Variants in RASEF observed in about 807,000 individuals in gnomAD.
RASEF encodes the protein ras and EF-hand domain-containing protein.
A neutral mutation model predicts 90.1 loss-of-function variants in RASEF; 68 were observed. That is an observed-to-expected ratio of 0.75 (90% CI 0.62 to 0.92). The LOEUF (loss-of-function observed/expected upper bound fraction) is 0.92. Among genes scored for constraint, RASEF ranks in the 40% least tolerant of loss-of-function variants. The pLI, the probability that RASEF is intolerant of heterozygous loss-of-function variation, is 0.00. For missense variants in RASEF, 949 were observed against 937.2 expected, an observed-to-expected ratio of 1.01 and a Z score of -0.16; for synonymous variants, 331 against 345.2, an observed-to-expected ratio of 0.96 and a Z score of 0.46.
intron 6 of RASEF, among the ~76,000 whole-genome samples, chr9:83,008,467 T>A (rs1829172785): frequency 6.6e-6 from 1 of 152,152 alleles, no homozygotes; most frequent in Admixed American, 6.5e-5. Context: ...CCTGCTTTGG[T>A]TACTGCCTTA....
At chr9:83,059,173 A>C (rs916863975) in intron 1 of RASEF, among the ~76,000 whole-genome samples, 4 of 152,046 alleles carry the variant, frequency 2.6e-5, no homozygotes, top group Admixed American at 6.5e-5. Flanking sequence ...AATTGCTGCA[A>C]ATGGGAGTTG....
chr9:82,983,836 TG>T (rs1352130854), intron 16 of RASEF, among the ~76,000 whole-genome samples: 15 of 152,166 alleles, frequency 9.9e-5, no homozygotes, highest in Admixed American at 7.9e-4. Context: ...GGGACTGAGA[TG>T]CCACGTGGAG....
At chr9:83,088,757 G>A in the RASEF span, among the ~76,000 whole-genome samples, 4 of 151,928 alleles carry the variant, frequency 2.6e-5, no homozygotes, top group Non-Finnish European at 4.4e-5. Context: ...CTTTTGGTTA[G>A]TGTTTGCATG....
intron 3 of RASEF, among the ~76,000 whole-genome samples, chr9:83,017,852 T>G (rs1564078777): frequency 6.6e-6 from 1 of 152,184 alleles, no homozygotes; most frequent in South Asian, 2.1e-4. Flanking sequence ...ACATCATAAC[T>G]AATTAGGGCC....
intron 16 of RASEF, among the ~76,000 whole-genome samples, chr9:82,983,107 C>CCACACACACACACA (rs10539196): frequency 3.8e-4 from 49 of 128,646 alleles, no homozygotes; most frequent in African/African-American, 1.1e-3. Flanking sequence ...GAGTACCAGG[C>CCACACACACACACA]CACACACACA....
chr9:83,183,684 A>T, the RASEF span, among the ~76,000 whole-genome samples: 1 of 152,240 alleles, frequency 6.6e-6, no homozygotes, highest in Admixed American at 6.5e-5. Flanking sequence ...GGGCATTTGT[A>T]CTACTAAGAA....
chr9:83,062,590 GAC>G lies in RASEF; in HGVS notation c.276_277del (p.Ser93Ter). 3 of 1,579,334 alleles carry G rather than the reference GAC, an allele frequency of 1.9e-6. No individual in the cohort carries two copies. The highest frequency in any genetic ancestry group is 2.6e-6 in the Non-Finnish European group (3 of 1,165,368). ...GTCGTGTGTCTCCGGCCCCGCCTCA[GAC>G]ACGGCGGGCGCGGGATCCAGAGGAC... On this transcript the variant is annotated frameshift_variant, in exon 1 of 17. Transcript: ENST00000376447. LOFTEE classifies it high-confidence loss of function.
At chr9:83,039,144 A>G (rs2118631970) in intron 1 of RASEF, among the ~76,000 whole-genome samples, 1 of 152,324 alleles carries the variant, frequency 6.6e-6, no homozygotes, top group South Asian at 2.1e-4. Flanking sequence ...CATATATGCT[A>G]TCTAGAAGCC....
chr9:83,143,004 G>A, the RASEF span, among the ~76,000 whole-genome samples: 2 of 152,176 alleles, frequency 1.3e-5, no homozygotes, highest in African/African-American at 2.4e-5. Flanking sequence ...TAGCTGGTCA[G>A]TATCTTTAAT....
At chr9:83,145,157 G>C in the RASEF span, among the ~76,000 whole-genome samples, 1 of 152,054 alleles carries the variant, frequency 6.6e-6, no homozygotes, top group Non-Finnish European at 1.5e-5. Flanking sequence ...TTATTAGTTT[G>C]AATGCAGACT....
chr9:83,087,541 A>G, the RASEF span, among the ~76,000 whole-genome samples: 1 of 151,800 alleles, frequency 6.6e-6, no homozygotes, highest in Admixed American at 6.6e-5. Context: ...TCCATTTCAT[A>G]TAGGTTATCT....
chr9:83,158,815 C>T, the RASEF span, among the ~76,000 whole-genome samples: 1 of 146,490 alleles, frequency 6.8e-6, no homozygotes, highest in Non-Finnish European at 1.5e-5. Context: ...TATATATATA[C>T]ACACACACAG....
At chr9:83,110,380 T>C in the RASEF span, among the ~76,000 whole-genome samples, 1 of 152,140 alleles carries the variant, frequency 6.6e-6, no homozygotes, top group Non-Finnish European at 1.5e-5. Flanking sequence ...AATTTATTTT[T>C]TAAAAAACCC....
upstream of RASEF, among the ~76,000 whole-genome samples, chr9:83,065,202 T>A (rs138424823): frequency 5.1e-4 from 77 of 152,366 alleles, 1 homozygote; most frequent in Middle Eastern, 6.8e-3. Context: ...TATCACTGCA[T>A]AACAACAGTA....
the RASEF span, among the ~76,000 whole-genome samples, chr9:83,165,245 C>A: frequency 6.6e-6 from 1 of 152,164 alleles, no homozygotes; most frequent in South Asian, 2.1e-4. Flanking sequence ...AAAAACAGAT[C>A]ATATTCTGGG....
the RASEF span, among the ~76,000 whole-genome samples, chr9:83,160,019 C>T: frequency 6.6e-6 from 1 of 152,210 alleles, no homozygotes; most frequent in African/African-American, 2.4e-5. Flanking sequence ...TGAGGCCTCC[C>T]CAGCCACGTG....
At chr9:83,128,085 T>G in the RASEF span, among the ~76,000 whole-genome samples, 2 of 150,620 alleles carry the variant, frequency 1.3e-5, no homozygotes, top group African/African-American at 4.9e-5. Context: ...CCACTTCTAC[T>G]CTATAACTTA....
chr9:83,134,550 A>G, the RASEF span, among the ~76,000 whole-genome samples: 3 of 152,106 alleles, frequency 2.0e-5, no homozygotes, highest in Non-Finnish European at 4.4e-5. Flanking sequence ...TTACCCACAG[A>G]TTGGAGCTCA....
chr9:83,150,783 G>A, the RASEF span, among the ~76,000 whole-genome samples: 1 of 152,096 alleles, frequency 6.6e-6, no homozygotes, highest in Admixed American at 6.6e-5. Flanking sequence ...TATAGTCACT[G>A]TATTCTCATT....
Sources: gnomAD v4.1 joint callset for allele counts (sites outside exome capture counted in the v4.1 genomes callset) on GRCh38, gnomAD v4.1.1 for gene constraint, MANE v1.5 for transcripts, NCBI Gene and HGNC (gene_info 2026-07-23, HGNC 2026-07-21) for gene names.